The following ZNF420 variants were observed in gnomAD, a reference collection of about 807,000 sequenced individuals.
ZNF420 encodes zinc finger protein 420.
In ZNF420, 31 loss-of-function variants were observed where a neutral mutation model predicts 44.7. That is an observed-to-expected ratio of 0.69 (90% CI 0.52 to 0.94). The LOEUF (loss-of-function observed/expected upper bound fraction) is 0.94, where lower values mean the gene tolerates loss of function less well. Among genes scored for constraint, ZNF420 ranks in the 40% least tolerant of loss-of-function variants. The pLI, the probability that ZNF420 is intolerant of heterozygous loss-of-function variation, is 0.00. For synonymous variants in ZNF420, 245 were observed against 267.4 expected, an observed-to-expected ratio of 0.92 and a Z score of 0.82; for missense variants, 681 against 827.9, an observed-to-expected ratio of 0.82 and a Z score of 2.18.
At chr19:37,033,291 C>G (rs985709015) in intron 1 of ZNF420, among the ~76,000 whole-genome samples, 3 of 152,108 alleles carry the variant, frequency 2.0e-5, no homozygotes, top group African/African-American at 4.8e-5. Context: ...GTCACACTTT[C>G]CATCATCTCT....
intron 4 of ZNF420, among the ~76,000 whole-genome samples, chr19:37,098,172 G>A (rs1312304710): frequency 6.6e-6 from 1 of 151,942 alleles, no homozygotes; most frequent in East Asian, 1.9e-4. Flanking sequence ...GACTAGTCTC[G>A]AACTCCTGGG....
At chr19:37,119,569 A>C (rs945963710) in intron 4 of ZNF420, among the ~76,000 whole-genome samples, 1 of 152,214 alleles carries the variant, frequency 6.6e-6, no homozygotes, top group Admixed American at 6.5e-5. Context: ...GAACTAGAAA[A>C]GCAAGAGCAA....
At chr19:37,111,886 G>A (rs550991555) in intron 4 of ZNF420, among the ~76,000 whole-genome samples, 2 of 152,248 alleles carry the variant, frequency 1.3e-5, no homozygotes, top group East Asian at 3.9e-4. Flanking sequence ...GGCAACCCTG[G>A]TTGGAGATGC....
At chr19:37,100,279 T>C (rs1225701654) in intron 4 of ZNF420, among the ~76,000 whole-genome samples, 1 of 152,178 alleles carries the variant, frequency 6.6e-6, no homozygotes, top group Non-Finnish European at 1.5e-5. Flanking sequence ...TGGATTTTTT[T>C]TTTCCTGGGT....
intron 1 of ZNF420, among the ~76,000 whole-genome samples, chr19:37,031,652 C>T (rs1599604936): frequency 6.6e-6 from 1 of 151,964 alleles, no homozygotes; most frequent in Non-Finnish European, 1.5e-5. Flanking sequence ...ATTACAGGTA[C>T]AGGCCACGTG....
At chr19:37,099,805 A>G (rs1969666043) in intron 4 of ZNF420, among the ~76,000 whole-genome samples, 1 of 152,086 alleles carries the variant, frequency 6.6e-6, no homozygotes, top group African/African-American at 2.4e-5. Flanking sequence ...TTGTATTTTT[A>G]GTAGAGACGG....
At chr19:37,126,117 T>G (rs544747660) in intron 4 of ZNF420, among the ~76,000 whole-genome samples, 3 of 152,234 alleles carry the variant, frequency 2.0e-5, no homozygotes, top group South Asian at 2.1e-4. Context: ...ATGTAAACGC[T>G]CCAGTGGCTT....
intron 4 of ZNF420, 70 bp from the exon 5 acceptor site, chr19:37,127,058 A>AT (rs1971384128): frequency 1.5e-6 from 2 of 1,303,050 alleles, no homozygotes; most frequent in Non-Finnish European, 2.0e-6. Context: ...TATGGGCATT[A>AT]TTTTCCTATT....
intron 1 of ZNF420, among the ~76,000 whole-genome samples, chr19:37,050,983 T>C (rs1967629409): frequency 6.6e-6 from 1 of 152,240 alleles, no homozygotes; most frequent in Non-Finnish European, 1.5e-5. Flanking sequence ...GATAATCATA[T>C]GGTTTTTGTC....
intron 4 of ZNF420, among the ~76,000 whole-genome samples, chr19:37,110,673 G>A (rs1970339779): frequency 6.6e-6 from 1 of 152,094 alleles, no homozygotes; most frequent in African/African-American, 2.4e-5. Context: ...AATATTGATA[G>A]ATTGATCAAA....
chr19:37,081,700 ATTTTTT>A (rs35066350), intron 2 of ZNF420, among the ~76,000 whole-genome samples: 5 of 66,896 alleles, frequency 7.5e-5, no homozygotes, highest in Admixed American at 1.8e-4. Context: ...TAATTTTTGT[ATTTTTT>A]TTTTTTTTTT....
intron 4 of ZNF420, among the ~76,000 whole-genome samples, chr19:37,117,198 A>ACC (rs977821079): frequency 6.6e-6 from 1 of 151,964 alleles, no homozygotes; most frequent in Non-Finnish European, 1.5e-5. Context: ...ACTGGGAGGC[A>ACC]CCCCCCAGTA....
At chr19:37,122,980 C>G (rs768462044) in intron 4 of ZNF420, among the ~76,000 whole-genome samples, 24 of 152,314 alleles carry the variant, frequency 1.6e-4, no homozygotes, top group Non-Finnish European at 3.2e-4. Context: ...CAATCCCTCC[C>G]AGGTCTGCCC....
chr19:37,096,442 C>T (rs1969460421), intron 4 of ZNF420, among the ~76,000 whole-genome samples: 1 of 152,136 alleles, frequency 6.6e-6, no homozygotes, highest in Non-Finnish European at 1.5e-5. Context: ...TGAAAAGTCC[C>T]TTGTCATTTT....
intron 1 of ZNF420, among the ~76,000 whole-genome samples, chr19:37,010,056 C>T (rs1189295375): frequency 1.3e-5 from 2 of 152,216 alleles, no homozygotes; most frequent in African/African-American, 4.8e-5. Context: ...GAGCACGAGT[C>T]GGCCTAGGCA....
chr19:37,030,954 A>G (rs990745091), intron 1 of ZNF420, among the ~76,000 whole-genome samples: 4 of 152,134 alleles, frequency 2.6e-5, no homozygotes, highest in African/African-American at 7.2e-5. Flanking sequence ...GTGAAGTGGC[A>G]TGATCTTGGC....
intron 4 of ZNF420, among the ~76,000 whole-genome samples, chr19:37,117,773 C>T (rs1022828868): frequency 1.5e-4 from 23 of 152,072 alleles, no homozygotes; most frequent in Non-Finnish European, 3.2e-4. Flanking sequence ...CAGAGAAGTA[C>T]TTAAAGGAGC....
At chr19:37,097,453 C>T (rs1293206014) in intron 4 of ZNF420, among the ~76,000 whole-genome samples, 1 of 152,028 alleles carries the variant, frequency 6.6e-6, no homozygotes, top group Admixed American at 6.6e-5. Flanking sequence ...AAAAAGGCAA[C>T]TAAATTCAGT....
chr19:37,066,335 C>G (rs1180223870), intron 1 of ZNF420, among the ~76,000 whole-genome samples: 2 of 151,774 alleles, frequency 1.3e-5, no homozygotes, highest in Non-Finnish European at 2.9e-5. Flanking sequence ...CCCAGCTACT[C>G]AGGAGGCTGA....
Sources: allele counts gnomAD v4.1 joint callset (sites outside exome capture counted in the v4.1 genomes callset), GRCh38; gene constraint gnomAD v4.1.1; transcripts MANE v1.5; gene names NCBI Gene and HGNC (gene_info 2026-07-23, HGNC 2026-07-21).